CNTN3: variants seen among roughly 807,000 people sequenced by gnomAD.
CNTN3 encodes the protein contactin-3.
Under a neutral mutation model 119.1 loss-of-function variants are expected in CNTN3, and 60 were observed. That is an observed-to-expected ratio of 0.50 (90% confidence interval 0.41 to 0.62). The LOEUF is 0.62. Among genes scored for constraint, CNTN3 ranks in the 20% least tolerant of loss-of-function variants. The probability of loss-of-function intolerance (pLI) is 0.00; values close to 1 mark genes in which losing one functional copy is unlikely to be tolerated. For missense variants in CNTN3, 1,101 were observed against 1,242.4 expected, an observed-to-expected ratio of 0.89 and a Z score of 1.71; for synonymous variants, 450 against 438.7, an observed-to-expected ratio of 1.03 and a Z score of -0.32.
intron 4 of CNTN3, among the ~76,000 whole-genome samples, chr3:74,485,392 A>T (rs1272514559): frequency 6.6e-6 from 1 of 152,140 alleles, no homozygotes; most frequent in Non-Finnish European, 1.5e-5. Flanking sequence ...AGAAGATACA[A>T]GTAAAAAATA....
chr3:74,295,763 T>C (rs1702326113), intron 18 of CNTN3, among the ~76,000 whole-genome samples: 1 of 152,154 alleles, frequency 6.6e-6, no homozygotes, highest in Non-Finnish European at 1.5e-5. Context: ...TGGCTTATCA[T>C]ATAGCAAGAA....
chr3:74,344,702 G>T (rs1325610036), intron 11 of CNTN3, among the ~76,000 whole-genome samples: 1 of 151,680 alleles, frequency 6.6e-6, no homozygotes, highest in South Asian at 2.1e-4. Context: ...CTCGTGATCC[G>T]CCCGCCTCGG....
intron 11 of CNTN3, among the ~76,000 whole-genome samples, chr3:74,349,654 T>A (rs1483189122): frequency 1.3e-5 from 2 of 152,222 alleles, no homozygotes; most frequent in African/African-American, 2.4e-5. Flanking sequence ...CTTAAAAATA[T>A]TAGAAGAAAA....
At position 74,379,348 on chromosome 3, in the gene CNTN3, G is replaced by T. The variant is rs1452133101; in HGVS notation, c.455-7949C>A. Among the ~76,000 whole-genome samples the T allele has an allele frequency of 2.0e-5, 3 of 152,066 alleles. 1 individual carries two copies. Among genetic ancestry groups the T allele is most frequent in the African/African-American group, 7.2e-5 (3 of 41,394 alleles). The stretch of plus-strand genomic sequence containing the variant: ...TTTTTGTATTTTTAGTAGAGACGGG[G>T]TTTCGCCATGTTGGTCAGGCTGGTC... On this transcript the variant is annotated intron_variant, in intron 5 of 22. Transcript: ENST00000263665.
chr3:74,295,489 G>C (rs1354450796), intron 18 of CNTN3, among the ~76,000 whole-genome samples: 3 of 152,008 alleles, frequency 2.0e-5, no homozygotes, highest in Non-Finnish European at 2.9e-5. Flanking sequence ...CTCTTTCTTG[G>C]CATCTTCCTT....
chr3:74,269,168 G>C (rs1032090206), intron 20 of CNTN3, among the ~76,000 whole-genome samples: 1 of 150,986 alleles, frequency 6.6e-6, no homozygotes, highest in East Asian at 1.9e-4. Context: ...GTCATGTTTT[G>C]CTATTTAAAA....
chr3:74,558,982 C>CAATAATAATAATAATAATAAT (rs60508507), intron 1 of CNTN3, among the ~76,000 whole-genome samples: 1,496 of 143,100 alleles, frequency 0.01, 23 homozygotes, highest in Admixed American at 0.027. Context: ...GACCCTGTCT[C>CAATAATAATAATAATAATAAT]AATAATAATA....
chr3:74,343,113 G>A (rs369085642), intron 11 of CNTN3, among the ~76,000 whole-genome samples: 10 of 152,210 alleles, frequency 6.6e-5, no homozygotes, highest in African/African-American at 2.2e-4. Context: ...TAAAAATGTC[G>A]GCTTTATTAG....
intron 5 of CNTN3, among the ~76,000 whole-genome samples, chr3:74,391,011 CT>C (rs1704883507): frequency 6.6e-6 from 1 of 152,126 alleles, no homozygotes; most frequent in African/African-American, 2.4e-5. Context: ...AGAGATGTGT[CT>C]TACCGGAGGA....
chr3:74,394,755 C>T (rs545918314), intron 5 of CNTN3, among the ~76,000 whole-genome samples: 15 of 152,024 alleles, frequency 9.9e-5, no homozygotes, highest in Non-Finnish European at 1.8e-4. Context: ...GTTGAAACAA[C>T]CTTTACAAAC....
chr3:74,560,024 A>G (rs533649931), intron 1 of CNTN3, among the ~76,000 whole-genome samples: 6 of 152,272 alleles, frequency 3.9e-5, no homozygotes, highest in Non-Finnish European at 8.8e-5. Flanking sequence ...CAGGCATGCT[A>G]TTTCTGCAGT....
At chr3:74,343,064 A>G (rs926669185) in intron 11 of CNTN3, among the ~76,000 whole-genome samples, 1 of 152,222 alleles carries the variant, frequency 6.6e-6, no homozygotes, top group Non-Finnish European at 1.5e-5. Context: ...CTATTCTTCT[A>G]TGCCTCAGAG....
Position 74,361,988 on chromosome 3 carries a change from C to T in CNTN3, c.1266G>A (p.Gln422=). 6.2e-7 allele frequency: 1 copy of T among 1,613,832 alleles called. No individual in the cohort carries two copies. Residue 422 remains glutamine, a synonymous_variant, in exon 11 of 23, where the codon CAG becomes CAA. Coordinates refer to ENST00000263665, the MANE Select transcript of CNTN3 (RefSeq NM_020872.3). ...AATCCAAGCTGACCAGGCTGCCCACCTGCACCTGAACCAACTTCTTCATTG... is the reference window on the plus strand; with the variant it reads ...AATCCAAGCTGACCAGGCTGCCCACTTGCACCTGAACCAACTTCTTCATTG... ...KNPMKKLVQV[Q]VGSLVSLDCK...
intron 1 of CNTN3, among the ~76,000 whole-genome samples, chr3:74,589,244 T>C (rs1334080818): frequency 6.6e-6 from 1 of 152,048 alleles, no homozygotes; most frequent in Middle Eastern, 3.4e-3. Flanking sequence ...TACAATGAAC[T>C]CAAACCAATT....
At chr3:74,351,790 C>T (rs933576249) in intron 11 of CNTN3, among the ~76,000 whole-genome samples, 1 of 152,140 alleles carries the variant, frequency 6.6e-6, no homozygotes, top group Non-Finnish European at 1.5e-5. Flanking sequence ...CCATGAGCCC[C>T]ATCCCAAACC....
intron 5 of CNTN3, among the ~76,000 whole-genome samples, chr3:74,407,251 G>C (rs1701341657): frequency 6.8e-6 from 1 of 148,000 alleles, no homozygotes; most frequent in East Asian, 2.0e-4. Context: ...AGTATAGCCA[G>C]GCCAAATATT....
At chr3:74,481,080 C>CA (rs1702755383) in intron 4 of CNTN3, among the ~76,000 whole-genome samples, 1 of 151,266 alleles carries the variant, frequency 6.6e-6, no homozygotes, top group Non-Finnish European at 1.5e-5. Context: ...CACTTGTTGA[C>CA]AAAAAAATAC....
chr3:74,296,168 T>A (rs1425773758), intron 18 of CNTN3, among the ~76,000 whole-genome samples: 2 of 152,188 alleles, frequency 1.3e-5, no homozygotes, highest in Non-Finnish European at 2.9e-5. Context: ...AGTCTTTTGC[T>A]TCTTTCTTAG....
intron 5 of CNTN3, among the ~76,000 whole-genome samples, chr3:74,423,550 G>A (rs879447384): frequency 1.1e-4 from 16 of 152,278 alleles, no homozygotes; most frequent in Middle Eastern, 3.4e-3. Context: ...GTATCTCTTC[G>A]TAAAACCTCA....
Sources: gnomAD v4.1 joint callset for allele counts (sites outside exome capture counted in the v4.1 genomes callset) on GRCh38, gnomAD v4.1.1 for gene constraint, MANE v1.5 for transcripts, NCBI Gene and HGNC (gene_info 2026-07-23, HGNC 2026-07-21) for gene names.